Variants in USP34 observed in about 807,000 individuals in gnomAD.
USP34 encodes the protein ubiquitin specific peptidase 34.
Under a neutral mutation model 460.3 loss-of-function variants are expected in USP34, and 70 were observed. That is an observed-to-expected ratio of 0.15 (90% CI 0.13 to 0.19). USP34 has a LOEUF of 0.19. Among genes scored for constraint, USP34 ranks in the 10% least tolerant of loss-of-function variants. USP34 has a pLI of 1.00. For synonymous variants in USP34, 1,647 were observed against 1,405.3 expected (o/e 1.17, Z -3.85); for missense variants, 3,985 against 4,236.2 (o/e 0.94, Z 1.65).
intron 65 of USP34, 64 bp downstream of exon 65, chr2:61,222,555 A>G: frequency 7.5e-7 from 1 of 1,338,898 alleles, no homozygotes; most frequent in Non-Finnish European, 1.1e-6. Flanking sequence ...AATTAGGCTC[A>G]TTTGAAAGCA....
intron 75 of USP34, chr2:61,200,103 G>C (rs1686927487): frequency 6.6e-6 from 1 of 152,448 alleles, no homozygotes; most frequent in East Asian, 1.9e-4. Flanking sequence ...CCTGGCTGGA[G>C]TATAGTGGTG....
At chr2:61,283,110 A>C (rs1329770286) in intron 37 of USP34, 35 bp downstream of exon 37, 2 of 1,598,744 alleles carry the variant, frequency 1.3e-6, no homozygotes, top group African/African-American at 2.7e-5. Flanking sequence ...AAACATACAA[A>C]AAATAACAGT....
rs188616278 is a variant in USP34 at position 61,446,538 on chromosome 2, G to T, written c.43+24112C>A. 8.9e-3 allele frequency among the ~76,000 whole-genome samples: 1,351 copies of T among 152,318 alleles called. 11 individuals are homozygous for T. The highest frequency in any genetic ancestry group is 0.014 in the Non-Finnish European group (951 of 68,038). Reference sequence around the variant, plus strand: ...AGGCTGGGCGTGGTAGCTCACGCCTGTAATTCTAGCCCTTTGAGAAGCCAA... The same window carrying T: ...AGGCTGGGCGTGGTAGCTCACGCCTTTAATTCTAGCCCTTTGAGAAGCCAA... On this transcript the variant is annotated intron_variant, in intron 1 of 79. Coordinates refer to ENST00000398571, the MANE Select transcript of USP34 (RefSeq NM_014709.4).
At chr2:61,470,395 A>G (rs1695916387) in intron 1 of USP34, among the ~76,000 whole-genome samples, 2 of 151,708 alleles carry the variant, frequency 1.3e-5, no homozygotes, top group African/African-American at 2.4e-5. Flanking sequence ...AAACTTTCCG[A>G]GAGCCCAGAG....
rs572243048 is a variant in USP34 at position 61,364,382 on chromosome 2, A to G, written c.1251+5939T>C. ...GCTGTCTCCAAAAAAGGAATGTAAA[A>G]CAGAAGAAACCAGGGGCTGAAAGGA... On this transcript the variant is annotated intron_variant, in intron 10 of 79. Transcript: ENST00000398571. Among the ~76,000 whole-genome samples, 6 of 152,304 alleles carry G rather than the reference A, an allele frequency of 3.9e-5. No homozygotes were observed. In the East Asian group the frequency reaches 1.2e-3, roughly 29 times the overall value.
rs746659237 is a variant in USP34 at position 61,190,256 on chromosome 2, C to T, written c.9873+15G>A. On this transcript the variant is annotated intron_variant, in intron 78 of 79. Coordinates refer to ENST00000398571, the MANE Select transcript of USP34 (RefSeq NM_014709.4). ...AGTTTAAAAGTGTGTGCCGCCGCCT[C>T]TGCATAGTTCTTACCCCATTTAAAG... The T allele has an allele frequency of 6.3e-7, 1 of 1,598,130 alleles. No individual in the cohort carries two copies. Among genetic ancestry groups the T allele is most frequent in the Non-Finnish European group, 8.5e-7 (1 of 1,174,564 alleles).
At chr2:61,412,903 AAGAG>A (rs1194803881) in intron 2 of USP34, among the ~76,000 whole-genome samples, 12 of 151,532 alleles carry the variant, frequency 7.9e-5, no homozygotes, top group South Asian at 4.2e-4. Context: ...AAAAAAAAAA[AAGAG>A]AGAATATGAA....
At chr2:61,263,472 C>T (rs1247484367) in intron 43 of USP34, among the ~76,000 whole-genome samples, 5 of 150,606 alleles carry the variant, frequency 3.3e-5, no homozygotes, top group East Asian at 2.0e-4. Flanking sequence ...TGAGCTACTG[C>T]GCCTGGCCAA....
chr2:61,353,783 G>T (rs1448384136), intron 10 of USP34, among the ~76,000 whole-genome samples: 1 of 151,946 alleles, frequency 6.6e-6, no homozygotes, highest in Admixed American at 6.6e-5. Flanking sequence ...GTAAAGACAG[G>T]AAAACAATGC....
chr2:61,336,774 C>T (rs1478022412), intron 18 of USP34, among the ~76,000 whole-genome samples: 18 of 134,058 alleles, frequency 1.3e-4, no homozygotes, highest in Admixed American at 4.1e-4. Flanking sequence ...CATGTCACTG[C>T]ACTCCAGCCT....
At chr2:61,461,584 G>C (rs1695602441) in intron 1 of USP34, among the ~76,000 whole-genome samples, 1 of 151,982 alleles carries the variant, frequency 6.6e-6, no homozygotes, top group African/African-American at 2.4e-5. Context: ...TGAATTCCAG[G>C]GCTCAAGTGA....
At chr2:61,331,514 T>C (rs1276165656) in intron 19 of USP34, 143 bp from the exon 20 acceptor site, 1 of 562,056 alleles carries the variant, frequency 1.8e-6, no homozygotes, top group East Asian at 3.1e-5. Context: ...TTTATTTATA[T>C]TTGAATGGTG....
At chr2:61,384,169 G>T (rs1223380495) in intron 5 of USP34, among the ~76,000 whole-genome samples, 1 of 152,072 alleles carries the variant, frequency 6.6e-6, no homozygotes, top group Non-Finnish European at 1.5e-5. Flanking sequence ...TTTACTATAA[G>T]TAACTTACAG....
At chr2:61,237,223 C>A (rs1222716667) in intron 53 of USP34, among the ~76,000 whole-genome samples, 2 of 152,104 alleles carry the variant, frequency 1.3e-5, no homozygotes, top group Non-Finnish European at 2.9e-5. Context: ...AAGCTGTAGC[C>A]CCTGTATCAG....
intron 10 of USP34, among the ~76,000 whole-genome samples, chr2:61,359,607 A>G (rs1692212637): frequency 6.6e-6 from 1 of 152,082 alleles, no homozygotes; most frequent in African/African-American, 2.4e-5. Context: ...AAAATTAAAA[A>G]CTTTTGTGCA....
At chr2:61,401,411 T>C (rs907669930) in intron 3 of USP34, among the ~76,000 whole-genome samples, 1 of 151,858 alleles carries the variant, frequency 6.6e-6, no homozygotes, top group Admixed American at 6.6e-5. Flanking sequence ...TTAATTTTTT[T>C]TTCTTTTGTA....
At chr2:61,286,525 G>A (rs1290412125) in intron 34 of USP34, among the ~76,000 whole-genome samples, 2 of 151,982 alleles carry the variant, frequency 1.3e-5, no homozygotes, top group Non-Finnish European at 1.5e-5. Context: ...GCATGGTGGC[G>A]TGTGCCTGTA....
At position 61,320,633 on chromosome 2, in the gene USP34, G is replaced by A. The variant is rs188829662; in HGVS notation, c.3014-1306C>T. On this transcript the variant is annotated intron_variant, in intron 21 of 79. Coordinates refer to ENST00000398571, the MANE Select transcript of USP34 (RefSeq NM_014709.4). Reference sequence around the variant, plus strand: ...GTAATCCAGCACTTTGGGAGGCTGAGGTGGGAGAATCACTTGTGGCCATGA... The same window carrying A: ...GTAATCCAGCACTTTGGGAGGCTGAAGTGGGAGAATCACTTGTGGCCATGA... 3.1e-3 allele frequency among the ~76,000 whole-genome samples: 471 copies of A among 152,358 alleles called. 1 individual carries two copies. Among genetic ancestry groups the A allele is most frequent in the African/African-American group, 0.011 (449 of 41,586 alleles).
chr2:61,214,935 C>A (rs1423086297), intron 67 of USP34, among the ~76,000 whole-genome samples: 7 of 152,142 alleles, frequency 4.6e-5, no homozygotes, highest in African/African-American at 1.4e-4. Context: ...AATTTTTAAA[C>A]CACTTTTCTT....
Sources: gnomAD v4.1 joint callset for allele counts (sites outside exome capture counted in the v4.1 genomes callset) on GRCh38, gnomAD v4.1.1 for gene constraint, MANE v1.5 for transcripts, NCBI Gene and HGNC (gene_info 2026-07-23, HGNC 2026-07-21) for gene names.